Variants in RIMS3 observed in about 807,000 individuals in gnomAD.
The protein encoded by RIMS3 is regulating synaptic membrane exocytosis protein 3.
In RIMS3, 15 loss-of-function variants were observed where a neutral mutation model predicts 29.2. The observed-to-expected ratio is 0.51, with a 90% CI of 0.34 to 0.79. The LOEUF (loss-of-function observed/expected upper bound fraction) is 0.79. Among genes scored for constraint, RIMS3 ranks in the 30% least tolerant of loss-of-function variants. The pLI is 0.01. For synonymous variants in RIMS3, 161 were observed against 170.1 expected, an observed-to-expected ratio of 0.95 and a Z score of 0.41; for missense variants, 342 against 421.4, an observed-to-expected ratio of 0.81 and a Z score of 1.65.
At chr1:40,669,338 T>G (rs960991045), upstream of RIMS3, 2 of 152,172 alleles carry the variant, frequency 1.3e-5, no homozygotes, top group African/African-American at 4.8e-5. Flanking sequence ...GGCACCAGAA[T>G]TTACTGCCAC....
intron 1 of RIMS3, among the ~76,000 whole-genome samples, chr1:40,652,887 A>C (rs1224743216): frequency 6.6e-6 from 1 of 152,210 alleles, no homozygotes; most frequent in Non-Finnish European, 1.5e-5. Flanking sequence ...TGCTTTAGAA[A>C]GTGAGGTGCG....
chr1:40,675,208 G>A, the RIMS3 span, among the ~76,000 whole-genome samples: 1 of 152,092 alleles, frequency 6.6e-6, no homozygotes, highest in Non-Finnish European at 1.5e-5. Flanking sequence ...GGCAGAGGTG[G>A]CAGTGAGCCA....
rs1443124481 is a variant in RIMS3 at position 40,621,997 on chromosome 1, T to G, written c.*4520A>C. On this transcript the variant is annotated 3_prime_UTR_variant, in exon 8 of 8. Transcript: ENST00000372684. ...GCCCCTGAGAGAATGCAACTTTCTCTCACTGATGTGGCTTCCCTCACAGGC... is the reference window on the plus strand; with the variant it reads ...GCCCCTGAGAGAATGCAACTTTCTCGCACTGATGTGGCTTCCCTCACAGGC... The G allele has an allele frequency of 1.3e-5, 2 of 152,560 alleles. No homozygotes were observed. The highest frequency in any genetic ancestry group is 2.9e-5 in the Non-Finnish European group (2 of 68,034). 9.5% of individuals were successfully genotyped at this position (152,560 alleles called of 1,614,324 possible).
chr1:40,631,321 A>C (rs1384636601), intron 5 of RIMS3, among the ~76,000 whole-genome samples: 1 of 152,128 alleles, frequency 6.6e-6, no homozygotes, highest in Non-Finnish European at 1.5e-5. Context: ...TTCAGGTAGT[A>C]CCGTCATCCC....
chr1:40,627,660 G>C (rs1646463789), intron 7 of RIMS3, among the ~76,000 whole-genome samples: 1 of 151,936 alleles, frequency 6.6e-6, no homozygotes, highest in African/African-American at 2.4e-5. Flanking sequence ...GGAGTGCAGT[G>C]GCATAATCAT....
chr1:40,628,798 T>C lies in RIMS3; in HGVS notation c.714+12A>G. ...TGAGTCCACCCTGCCCTACTTGCCC[T>C]GTGACACCCACCTGCAGCACCTTGC... is the stretch of plus-strand genomic sequence containing the variant. On this transcript the variant is annotated intron_variant, in intron 7 of 7. Transcript: ENST00000372684. 6.2e-7 allele frequency: 1 copy of C among 1,614,164 alleles called. No homozygotes were observed. The highest frequency in any genetic ancestry group is 8.5e-7 in the Non-Finnish European group (1 of 1,180,014).
the RIMS3 span, among the ~76,000 whole-genome samples, chr1:40,683,832 C>T: frequency 6.6e-6 from 1 of 152,238 alleles, no homozygotes; most frequent in African/African-American, 2.4e-5. Context: ...TGTCCTCTGA[C>T]CTCTTTACCC....
the RIMS3 span, chr1:40,687,628 G>A: frequency 1.4e-5 from 2 of 146,390 alleles, no homozygotes; most frequent in Non-Finnish European, 1.5e-5. Context: ...AAAAAAAATG[G>A]TTAAACCTGT....
chr1:40,646,464 C>T (rs1646596457), intron 2 of RIMS3, among the ~76,000 whole-genome samples: 1 of 152,190 alleles, frequency 6.6e-6, no homozygotes, highest in Admixed American at 6.5e-5. Flanking sequence ...ACGCAAGTCC[C>T]TTCACCAATT....
chr1:40,682,184 TAG>T, the RIMS3 span, among the ~76,000 whole-genome samples: 1 of 152,210 alleles, frequency 6.6e-6, no homozygotes, highest in Non-Finnish European at 1.5e-5. Flanking sequence ...TACCATGCAC[TAG>T]AGAGTGGACT....
rs1266163955 is a variant in RIMS3 at position 40,641,804 on chromosome 1, G to A, written c.122C>T (p.Thr41Ile). ...QQAGGGAGTT[T>I]AKKRRSSLGA... is the part of the protein sequence containing the mutation. Reference sequence around the variant, plus strand: ...CAGGCTGCTCCGCCGCTTCTTGGCGGTGGTGGTCCCAGCCCCGCCCCCGGC... The same window carrying A: ...CAGGCTGCTCCGCCGCTTCTTGGCGATGGTGGTCCCAGCCCCGCCCCCGGC... The change falls in exon 3 of 8, where the codon ACC (threonine) becomes ATC (isoleucine). Residue 41 changes from threonine (T) to isoleucine (I), a missense_variant. Physicochemically the swap from Thr to Ile is moderately conservative, Grantham distance 89. Coordinates refer to ENST00000372684, the MANE Select transcript of RIMS3 (RefSeq NM_014747.3). 2 of 1,612,512 alleles carry A rather than the reference G, an allele frequency of 1.2e-6. No individual in the cohort carries two copies. Among genetic ancestry groups the A allele is most frequent in the African/African-American group, 2.7e-5 (2 of 74,910 alleles).
the RIMS3 span, chr1:40,691,646 C>A: frequency 2.3e-6 from 1 of 433,756 alleles, no homozygotes; most frequent in Admixed American, 2.5e-5. Flanking sequence ...CTTCTGCGCA[C>A]CGCACGATAC....
intron 1 of RIMS3, among the ~76,000 whole-genome samples, chr1:40,655,963 A>C (rs188375560): frequency 1.2e-3 from 177 of 152,382 alleles, no homozygotes; most frequent in African/African-American, 4.1e-3. Context: ...CAGTGAACTA[A>C]GATCGTGCCA....
chr1:40,685,139 A>C, the RIMS3 span, among the ~76,000 whole-genome samples: 1 of 151,012 alleles, frequency 6.6e-6, no homozygotes, highest in Non-Finnish European at 1.5e-5. Context: ...TCATGTTCCT[A>C]CTCCTGTGGC....
In RIMS3 at chr1:40,644,219, G is replaced by T. The variant is rs551673962; in HGVS notation, c.-31-2263C>A. Among the ~76,000 whole-genome samples the T allele has an allele frequency of 1.1e-4, 17 of 152,354 alleles. No individual in the cohort carries two copies. In the South Asian group the frequency reaches 2.7e-3, roughly 24 times the overall value. On this transcript the variant is annotated intron_variant, in intron 2 of 7. Transcript: ENST00000372684. Reference sequence around the variant, plus strand: ...GCCCGCCCTGCGCTGGCCTTCCAATGATGTGAGACAATACATTTTCCATTG... The same window carrying T: ...GCCCGCCCTGCGCTGGCCTTCCAATTATGTGAGACAATACATTTTCCATTG...
At chr1:40,685,260 A>T in the RIMS3 span, among the ~76,000 whole-genome samples, 2 of 147,600 alleles carry the variant, frequency 1.4e-5, no homozygotes, top group Non-Finnish European at 3.0e-5. Flanking sequence ...AATGCAATAA[A>T]TTTATTATGA....
At chr1:40,658,949 C>T (rs377458698) in intron 1 of RIMS3, among the ~76,000 whole-genome samples, 2 of 152,104 alleles carry the variant, frequency 1.3e-5, no homozygotes, top group Admixed American at 6.5e-5. Context: ...GCCGGAGGTA[C>T]GCAGATGAAC....
At chr1:40,649,773 C>T (rs755323067) in intron 1 of RIMS3, among the ~76,000 whole-genome samples, 25 of 152,294 alleles carry the variant, frequency 1.6e-4, no homozygotes, top group Non-Finnish European at 5.9e-5. Flanking sequence ...TCTCCTCCAC[C>T]CAGCCTGGCC....
intron 7 of RIMS3, 58 bp downstream of exon 7, chr1:40,628,752 T>C: frequency 6.2e-7 from 1 of 1,611,910 alleles, no homozygotes; most frequent in East Asian, 2.2e-5. Context: ...TGAAAAACTT[T>C]AAATTACAAC....
Sources: allele counts gnomAD v4.1 joint callset (sites outside exome capture counted in the v4.1 genomes callset), GRCh38; gene constraint gnomAD v4.1.1; transcripts MANE v1.5; gene names NCBI Gene and HGNC (gene_info 2026-07-23, HGNC 2026-07-21).